Variants in PMFBP1 observed in about 807,000 individuals in gnomAD.
The protein encoded by PMFBP1 is polyamine-modulated factor 1-binding protein 1.
PMFBP1 carries 131 observed loss-of-function variants against 137.8 expected under a neutral mutation model. The ratio of observed to expected loss-of-function variants is 0.95; its 90% confidence interval spans 0.82 to 1.10. PMFBP1 has a LOEUF of 1.10. Ranked by LOEUF, PMFBP1 falls within the 50% of genes least tolerant of loss-of-function variation. PMFBP1 has a pLI of 0.00. For missense variants in PMFBP1, 1,199 were observed against 1,175.4 expected (o/e 1.02, Z -0.29); for synonymous variants, 490 against 450.4 (o/e 1.09, Z -1.11).
At chr16:72,155,112 TTTCATTCA>T (rs533451180) in intron 3 of PMFBP1, among the ~76,000 whole-genome samples, 1 of 152,104 alleles carries the variant, frequency 6.6e-6, no homozygotes. Context: ...CATCCTTCAT[TTTCATTCA>T]TTCATTCATT....
At chr16:72,153,913 T>C (rs1033840955) in intron 4 of PMFBP1, among the ~76,000 whole-genome samples, 1 of 124,368 alleles carries the variant, frequency 8.0e-6, no homozygotes, top group African/African-American at 3.4e-5. Flanking sequence ...ATGGAGAAGA[T>C]GGACTTATAC....
At chr16:72,208,441 T>C in the PMFBP1 span, among the ~76,000 whole-genome samples, 1 of 152,246 alleles carries the variant, frequency 6.6e-6, no homozygotes, top group African/African-American at 2.4e-5. Context: ...ATGTAGACAT[T>C]TGTTCTGTCA....
At chr16:72,143,274 G>C (rs184769776) in intron 5 of PMFBP1, among the ~76,000 whole-genome samples, 2 of 152,296 alleles carry the variant, frequency 1.3e-5, no homozygotes, top group East Asian at 3.9e-4. Context: ...AGGCAAAGAG[G>C]CTACAATTCC....
the PMFBP1 span, among the ~76,000 whole-genome samples, chr16:72,184,903 C>T: frequency 6.6e-6 from 1 of 152,232 alleles, no homozygotes; most frequent in Non-Finnish European, 1.5e-5. Flanking sequence ...CCCACTCCTC[C>T]AACAACTAGA....
At chr16:72,226,488 C>T in the PMFBP1 span, among the ~76,000 whole-genome samples, 1 of 152,244 alleles carries the variant, frequency 6.6e-6, no homozygotes, top group South Asian at 2.1e-4. Context: ...GTTTCTGCCC[C>T]CATTTCAATT....
rs775194798 is a variant in PMFBP1, at chr16:72,171,246, A to G, written c.-38T>C. 1 of 1,611,708 alleles carries G rather than the reference A, an allele frequency of 6.2e-7. No individual in the cohort carries two copies. On this transcript the variant is annotated 5_prime_UTR_variant, in exon 2 of 21. Transcript: ENST00000237353. The stretch of plus-strand genomic sequence containing the variant: ...TCTCAATTCTCCTTTAACCTTTAGT[A>G]TTTTCTGAGCTTTGTTATAAACCTG...
chr16:72,160,898 T>C (rs184777615), intron 3 of PMFBP1, among the ~76,000 whole-genome samples: 28 of 152,298 alleles, frequency 1.8e-4, no homozygotes, highest in Non-Finnish European at 3.8e-4. Context: ...TTGAGCTGAA[T>C]TGCATGAGGG....
At chr16:72,124,116 A>G (rs1398578843) in intron 17 of PMFBP1, among the ~76,000 whole-genome samples, 2 of 152,062 alleles carry the variant, frequency 1.3e-5, no homozygotes, top group Non-Finnish European at 2.9e-5. Flanking sequence ...GGCTCAAGCT[A>G]TCCTCCCACT....
In PMFBP1 at chr16:72,154,228, T is replaced by C. The variant is rs772733205; in HGVS notation, c.397A>G (p.Lys133Glu). 1 of 1,614,108 alleles carries C rather than the reference T, an allele frequency of 6.2e-7. No homozygotes were observed. Among genetic ancestry groups the C allele is most frequent in the Non-Finnish European group, 8.5e-7 (1 of 1,179,982 alleles). The change falls in exon 4 of 21, where the codon AAA (lysine) becomes GAA (glutamate). Residue 133 changes from lysine (K) to glutamate (E), a missense_variant. Coordinates refer to ENST00000237353, the MANE Select transcript of PMFBP1 (RefSeq NM_031293.3). ...GTCTATACCTCATCTTCTTTCAGTT[T>C]GCAGTGATGGTGCAGAAGAACCAGG... ...SDLVLLHHHC[K>E]LKEDEVILYE...
chr16:72,135,345 T>TG (rs2042608402), intron 9 of PMFBP1, among the ~76,000 whole-genome samples: 1 of 103,718 alleles, frequency 9.6e-6, no homozygotes, highest in African/African-American at 2.9e-5. Flanking sequence ...CTGGCTAATT[T>TG]TGTGTGTGTG....
chr16:72,204,420 T>A, the PMFBP1 span, among the ~76,000 whole-genome samples: 2 of 152,140 alleles, frequency 1.3e-5, no homozygotes, highest in East Asian at 3.9e-4. Flanking sequence ...CAGACTGGTC[T>A]CAAAACTCCT....
chr16:72,142,390 G>C (rs1315115915), intron 5 of PMFBP1, among the ~76,000 whole-genome samples: 1 of 152,104 alleles, frequency 6.6e-6, no homozygotes, highest in Non-Finnish European at 1.5e-5. Context: ...TTAGTGAAGT[G>C]TTGAATGGCT....
chr16:72,158,258 G>C (rs915636349), intron 3 of PMFBP1, among the ~76,000 whole-genome samples: 1 of 152,218 alleles, frequency 6.6e-6, no homozygotes, highest in African/African-American at 2.4e-5. Context: ...AGACACGCCA[G>C]TGTATGTGGC....
At chr16:72,128,630 AC>A in intron 14 of PMFBP1, 26 bp downstream of exon 14, 1 of 1,612,870 alleles carries the variant, frequency 6.2e-7, no homozygotes, top group Non-Finnish European at 8.5e-7. Flanking sequence ...CAAATTCCTC[AC>A]TCCCTTGGGG....
chr16:72,244,862 C>A, the PMFBP1 span, among the ~76,000 whole-genome samples: 8 of 152,202 alleles, frequency 5.3e-5, no homozygotes, highest in Non-Finnish European at 1.2e-4. Context: ...GGTTAAAAAA[C>A]AAAACAAAAA....
chr16:72,218,396 TG>T, the PMFBP1 span, among the ~76,000 whole-genome samples: 1 of 152,102 alleles, frequency 6.6e-6, no homozygotes, highest in South Asian at 2.1e-4. Flanking sequence ...GGCGCGGTCT[TG>T]GCTCACTGCA....
rs144092086 is a variant in PMFBP1 at position 72,130,341 on chromosome 16, G to C, written c.1654C>G (p.Leu552Val). The change falls in exon 12 of 21, where the codon CTG (leucine) becomes GTG (valine). Residue 552 changes from leucine to valine, a missense_variant. Leu to Val is a conservative substitution (Grantham distance 32). Coordinates refer to ENST00000237353, the MANE Select transcript of PMFBP1 (RefSeq NM_031293.3). ...QTSNRKRVEE[L>V]SLELSEALRK... is the part of the protein sequence containing the mutation. ...AGGGCTTCAGAGAGTTCTAATGACA[G>C]CTCCTCCACCCGTTTTCTAAAGCAA... The C allele has an allele frequency of 4.7e-3, 7,536 of 1,614,192 alleles. 21 individuals are homozygous for C. The highest frequency in any genetic ancestry group is 5.7e-3 in the Non-Finnish European group (6,687 of 1,180,032).
intron 18 of PMFBP1, 62 bp downstream of exon 18, chr16:72,123,484 A>T: frequency 6.9e-7 from 1 of 1,446,206 alleles, no homozygotes. Context: ...TTTGGCACGC[A>T]TGTGGCTCCT....
chr16:72,173,560 G>A (rs778693579), upstream of PMFBP1, among the ~76,000 whole-genome samples: 5 of 152,226 alleles, frequency 3.3e-5, no homozygotes, highest in Non-Finnish European at 7.3e-5. Flanking sequence ...AAGAAAAAAA[G>A]AGAGCTGGAG....
Sources: gnomAD v4.1 joint callset for allele counts (sites outside exome capture counted in the v4.1 genomes callset) on GRCh38, gnomAD v4.1.1 for gene constraint, MANE v1.5 for transcripts, NCBI Gene and HGNC (gene_info 2026-07-23, HGNC 2026-07-21) for gene names.